The following CSMD1 variants were observed in gnomAD, a reference collection of about 807,000 sequenced individuals.
CSMD1 encodes CUB and sushi domain-containing protein 1.
Under a neutral mutation model 417.5 loss-of-function variants are expected in CSMD1, and 213 were observed. The ratio of observed to expected loss-of-function variants is 0.51; its 90% CI spans 0.46 to 0.57. The LOEUF (loss-of-function observed/expected upper bound fraction) is 0.57. Ranked by LOEUF, CSMD1 falls within the 20% of genes least tolerant of loss-of-function variation. CSMD1 has a pLI of 0.00. For missense variants in CSMD1, 6,923 were observed against 4,529.7 expected, an observed-to-expected ratio of 1.53 and a Z score of -15.17; for synonymous variants, 2,862 against 1,736.8, an observed-to-expected ratio of 1.65 and a Z score of -16.11.
At chr8:4,739,730 G>C (rs1035836033) in intron 1 of CSMD1, among the ~76,000 whole-genome samples, 1 of 152,072 alleles carries the variant, frequency 6.6e-6, no homozygotes, top group Non-Finnish European at 1.5e-5. Context: ...GCTCGTGGTG[G>C]TACTTTGCTC....
rs564779731 is a variant in CSMD1, at chr8:4,659,579, G to A, written c.86-22021C>T. Among the ~76,000 whole-genome samples, 191 of 152,166 alleles carry A rather than the reference G, an allele frequency of 1.3e-3. 2 individuals carry two copies. Among genetic ancestry groups the A allele is most frequent in the African/African-American group, 4.2e-3 (174 of 41,556 alleles). On this transcript the variant is annotated intron_variant, in intron 1 of 69. Coordinates refer to ENST00000635120, the MANE Select transcript of CSMD1 (RefSeq NM_033225.6). ...CAATTTCACACATATCAGATACCCA[G>A]AAGAGTTATATCCATAGACACAGAA... is the stretch of plus-strand genomic sequence containing the variant.
chr8:4,028,075 G>A (rs997250607), intron 4 of CSMD1, among the ~76,000 whole-genome samples: 1 of 151,904 alleles, frequency 6.6e-6, no homozygotes, highest in African/African-American at 2.4e-5. Flanking sequence ...ACAACATAAA[G>A]ATGAAAAGTA....
intron 26 of CSMD1, among the ~76,000 whole-genome samples, chr8:3,268,225 C>G (rs1479116434): frequency 6.8e-6 from 1 of 147,790 alleles, no homozygotes; most frequent in African/African-American, 2.5e-5. Context: ...CTAGTGCCAT[C>G]ATGCACACAA....
chr8:4,147,968 C>G (rs999123715), intron 3 of CSMD1, among the ~76,000 whole-genome samples: 2 of 152,078 alleles, frequency 1.3e-5, no homozygotes, highest in Non-Finnish European at 2.9e-5. Flanking sequence ...GAAGATGCAC[C>G]AAAGCCCTGA....
At chr8:3,195,205 A>G (rs1002662918) in intron 33 of CSMD1, among the ~76,000 whole-genome samples, 1 of 152,170 alleles carries the variant, frequency 6.6e-6, no homozygotes, top group African/African-American at 2.4e-5. Context: ...TCCAACATGA[A>G]GGTTTACTGA....
In CSMD1 at chr8:3,343,479, C is replaced by G. The variant is rs1350084824; in HGVS notation, c.3475-29G>C. 2.5e-6 allele frequency: 4 copies of G among 1,593,816 alleles called. No homozygotes were observed. In the South Asian group the frequency reaches 3.3e-5, roughly 13 times the overall value. ...ATGAAAATTCACAGCATGAGTCCCTCTATGCCTTCACTGGATTCTTATGTT... is the reference window on the plus strand; with the variant it reads ...ATGAAAATTCACAGCATGAGTCCCTGTATGCCTTCACTGGATTCTTATGTT... On this transcript the variant is annotated intron_variant, in intron 22 of 69. Transcript: ENST00000635120.
chr8:3,958,318 CTCTT>C (rs1466852614), intron 5 of CSMD1, among the ~76,000 whole-genome samples: 1,202 of 15,734 alleles, frequency 0.076, 4 homozygotes, highest in Non-Finnish European at 0.11. Context: ...TTTAAACTCT[CTCTT>C]TTTTTTTTTT....
At chr8:4,269,863 G>A (rs1305936811) in intron 3 of CSMD1, among the ~76,000 whole-genome samples, 2 of 152,164 alleles carry the variant, frequency 1.3e-5, no homozygotes, top group Non-Finnish European at 2.9e-5. Flanking sequence ...ATGTCTTGAA[G>A]TTATTGCATC....
At chr8:3,672,041 C>G (rs956252888) in intron 7 of CSMD1, among the ~76,000 whole-genome samples, 1 of 152,090 alleles carries the variant, frequency 6.6e-6, no homozygotes, top group Non-Finnish European at 1.5e-5. Flanking sequence ...AATGAAGAAG[C>G]AAATTAACAA....
At chr8:4,612,323 C>T (rs759979960) in intron 2 of CSMD1, among the ~76,000 whole-genome samples, 9 of 151,564 alleles carry the variant, frequency 5.9e-5, no homozygotes, top group Non-Finnish European at 1.3e-4. Flanking sequence ...TGAAGTTCCC[C>T]ACTTTACTTA....
At chr8:4,367,555 T>G (rs938043065) in intron 3 of CSMD1, among the ~76,000 whole-genome samples, 2 of 152,146 alleles carry the variant, frequency 1.3e-5, no homozygotes, top group Admixed American at 1.3e-4. Flanking sequence ...CTCTTTGGGC[T>G]CCATATAAAT....
In CSMD1 at chr8:4,818,767, C is replaced by A. The variant is rs116364967; in HGVS notation, c.85+175565G>T. On this transcript the variant is annotated intron_variant, in intron 1 of 69. Coordinates refer to ENST00000635120, the MANE Select transcript of CSMD1 (RefSeq NM_033225.6). The stretch of plus-strand genomic sequence containing the variant: ...TCATAGTCTGATTATAATAGCTACA[C>A]ATCGCTTGGTACTTTGTAAAACAAA... 3.3e-3 allele frequency among the ~76,000 whole-genome samples: 510 copies of A among 152,324 alleles called. 2 individuals carry two copies. Among genetic ancestry groups the A allele is most frequent in the African/African-American group, 0.012 (493 of 41,572 alleles).
chr8:3,575,129 CATT>C, intron 9 of CSMD1, 63 bp from the exon 10 acceptor site: 1 of 1,414,102 alleles, frequency 7.1e-7, no homozygotes, highest in Non-Finnish European at 9.6e-7. Flanking sequence ...AAAGACATAA[CATT>C]TATGGGAAAT....
At chr8:4,442,270 A>T (rs762342283) in intron 2 of CSMD1, among the ~76,000 whole-genome samples, 2 of 152,164 alleles carry the variant, frequency 1.3e-5, no homozygotes, top group Admixed American at 1.3e-4. Context: ...TTTTGTTTTT[A>T]TAACAGTAAA....
intron 5 of CSMD1, among the ~76,000 whole-genome samples, chr8:3,851,349 A>G (rs932336865): frequency 6.6e-6 from 1 of 152,240 alleles, no homozygotes; most frequent in African/African-American, 2.4e-5. Flanking sequence ...TAGCCCATCC[A>G]TTCCCCAAAT....
chr8:3,805,442 C>A (rs1800677240), intron 5 of CSMD1, among the ~76,000 whole-genome samples: 1 of 152,116 alleles, frequency 6.6e-6, no homozygotes, highest in Non-Finnish European at 1.5e-5. Flanking sequence ...CTGAGTGGAG[C>A]AGAAATGATC....
chr8:3,015,734 A>G (rs1390311829), intron 52 of CSMD1, among the ~76,000 whole-genome samples: 1 of 152,086 alleles, frequency 6.6e-6, no homozygotes, highest in East Asian at 1.9e-4. Flanking sequence ...ACTTGGTGGA[A>G]ACCCAAAGTG....
chr8:3,922,677 C>G (rs559299819), intron 5 of CSMD1, among the ~76,000 whole-genome samples: 231 of 152,148 alleles, frequency 1.5e-3, no homozygotes, highest in Admixed American at 2.9e-3. Flanking sequence ...TGCTTTTCAT[C>G]CAAATCTGTA....
At position 3,729,935 on chromosome 8, in the gene CSMD1, AAAAAAAAAAAAAAAAAAAAAAAAAAAC is replaced by A. The variant is rs1329847079; in HGVS notation, c.932-21471_932-21445del. Among the ~76,000 whole-genome samples, 102 of 31,140 alleles carry A rather than the reference AAAAAAAAAAAAAAAAAAAAAAAAAAAC, an allele frequency of 3.3e-3. 5 individuals carry two copies. Among genetic ancestry groups the A allele is most frequent in the South Asian group, 0.026 (14 of 546 alleles). 20.4% of individuals were successfully genotyped at this position (31,140 alleles called of 152,430 possible). On this transcript the variant is annotated intron_variant, in intron 6 of 69. Coordinates refer to ENST00000635120, the MANE Select transcript of CSMD1 (RefSeq NM_033225.6). ...GCCAATTCAAAGTAAAAAAAAAAAA[AAAAAAAAAAAAAAAAAAAAAAAAAAAC>A]AAAAACAGAAGAACGGATACATAAT...
Sources: allele counts gnomAD v4.1 joint callset (sites outside exome capture counted in the v4.1 genomes callset), GRCh38; gene constraint gnomAD v4.1.1; transcripts MANE v1.5; gene names NCBI Gene and HGNC (gene_info 2026-07-23, HGNC 2026-07-21).